DCHS2: variants seen among roughly 807,000 people sequenced by gnomAD.
DCHS2 encodes dachsous cadherin-related 2.
Under a neutral mutation model 182.4 loss-of-function variants are expected in DCHS2, and 142 were observed. The observed-to-expected ratio is 0.78, with a 90% confidence interval of 0.68 to 0.89. DCHS2 has a LOEUF of 0.89. Ranked by LOEUF, DCHS2 falls within the 40% of genes least tolerant of loss-of-function variation. DCHS2 has a pLI of 0.00. For synonymous variants in DCHS2, 1,740 were observed against 1,663.3 expected, an observed-to-expected ratio of 1.05 and a Z score of -1.12; for missense variants, 4,319 against 4,198.6, an observed-to-expected ratio of 1.03 and a Z score of -0.79.
rs753132280 is a variant in DCHS2, at chr4:154,237,056, AAG to A, written c.7594_7595del (p.Leu2532TyrfsTer16). ...SDGGNPDLRA[L>X]TLVEIGIEDM... ...CTTCTATTCCTATCTCCACTAAAGTAAGAGCTCTCAGGTCAGGATTTCCACCA... is the reference window on the plus strand; with the variant it reads ...CTTCTATTCCTATCTCCACTAAAGTAAGCTCTCAGGTCAGGATTTCCACCA... On this transcript the variant is annotated frameshift_variant, in exon 20 of 20. Transcript: ENST00000357232. LOFTEE classifies it low-confidence loss of function (END_TRUNC). The A allele has an allele frequency of 3.1e-6, 5 of 1,613,856 alleles. No homozygotes were observed. Among genetic ancestry groups the A allele is most frequent in the Non-Finnish European group, 4.2e-6 (5 of 1,179,898 alleles).
intron 1 of DCHS2, among the ~76,000 whole-genome samples, chr4:154,381,038 G>A (rs759321820): frequency 2.0e-5 from 3 of 152,052 alleles, no homozygotes; most frequent in Non-Finnish European, 4.4e-5. Flanking sequence ...TTAAATTGAA[G>A]CAAGAGGCAC....
chr4:154,461,000 T>C (rs1417900639), intron 1 of DCHS2, among the ~76,000 whole-genome samples: 1 of 152,072 alleles, frequency 6.6e-6, no homozygotes, highest in African/African-American at 2.4e-5. Context: ...AAAGCTCAAA[T>C]GTGTTTAAAA....
chr4:154,249,303 C>T (rs1732233796), intron 16 of DCHS2, among the ~76,000 whole-genome samples: 1 of 152,044 alleles, frequency 6.6e-6, no homozygotes, highest in South Asian at 2.1e-4. Flanking sequence ...CAAAGAAAGA[C>T]ACAGAAGCAG....
intron 14 of DCHS2, among the ~76,000 whole-genome samples, chr4:154,260,113 C>T (rs1279775790): frequency 6.6e-6 from 1 of 152,224 alleles, no homozygotes; most frequent in African/African-American, 2.4e-5. Flanking sequence ...TGAGCCACAG[C>T]ACCTGGCCAT....
At chr4:154,269,212 C>T (rs1001920156) in intron 14 of DCHS2, 3 of 152,126 alleles carry the variant, frequency 2.0e-5, no homozygotes, top group Admixed American at 6.6e-5. Flanking sequence ...AGGAATTACC[C>T]GCTCTCAATT....
intron 12 of DCHS2, 171 bp from the exon 13 acceptor site, chr4:154,298,879 G>A: frequency 1.0e-6 from 1 of 967,968 alleles, no homozygotes; most frequent in Non-Finnish European, 1.4e-6. Context: ...CATGATAAAG[G>A]CTCTGCCCTC....
Position 154,372,925 on chromosome 4 carries a change from C to A in DCHS2, c.2244+4328G>T, listed in dbSNP as rs141193140. Among the ~76,000 whole-genome samples the A allele has an allele frequency of 5.3e-5, 8 of 152,256 alleles. No individual in the cohort carries two copies. The East Asian group carries it at 1.4e-3, about 26-fold the overall frequency. ...ATCAATGTATTTTACAAGAAAAATTCTTCTACTGGCAGATAAAAATCTCTT... is the reference window on the plus strand; with the variant it reads ...ATCAATGTATTTTACAAGAAAAATTATTCTACTGGCAGATAAAAATCTCTT... On this transcript the variant is annotated intron_variant, in intron 2 of 19. Coordinates refer to ENST00000357232, the MANE Select transcript of DCHS2 (RefSeq NM_001358235.2).
chr4:154,234,419 A>C lies in DCHS2; in HGVS notation c.*117T>G. 7.3e-7 allele frequency: 1 copy of C among 1,370,400 alleles called. No individual in the cohort carries two copies. The highest frequency in any genetic ancestry group is 1.6e-5 in the South Asian group (1 of 60,650). The allele number at this position is 1,370,400 out of a possible 1,614,324, so 84.9% of individuals were successfully genotyped here. ...TGGGGAAGTTTTAAAAACTCTAACTAAATTACATCACTTGCTTTTAGATAA... is the reference window on the plus strand; with the variant it reads ...TGGGGAAGTTTTAAAAACTCTAACTCAATTACATCACTTGCTTTTAGATAA... On this transcript the variant is annotated 3_prime_UTR_variant, in exon 20 of 20. Transcript: ENST00000357232.
At chr4:154,243,484 C>T (rs1171627629) in intron 16 of DCHS2, among the ~76,000 whole-genome samples, 15 of 152,300 alleles carry the variant, frequency 9.8e-5, no homozygotes. Flanking sequence ...CAATGTTCAA[C>T]TAATTATGTA....
intron 7 of DCHS2, 52 bp from the exon 8 acceptor site, chr4:154,322,540 C>T (rs1237496593): frequency 2.6e-6 from 4 of 1,532,472 alleles, no homozygotes; most frequent in Non-Finnish European, 3.5e-6. Context: ...ATGCAGAAAA[C>T]AGAAAATCAA....
At position 154,490,543 on chromosome 4, in the gene DCHS2, G is replaced by A. The variant is rs945087126; in HGVS notation, c.813C>T (p.Gly271=). 12 of 1,539,368 alleles carry A rather than the reference G, an allele frequency of 7.8e-6. No homozygotes were observed. The highest frequency in any genetic ancestry group is 2.7e-5 in the African/African-American group (2 of 72,974). The part of the protein sequence containing the change: ...AHRLQIEAWD[G]GRPRRTGLLS... ...GGAGGCCGGTGCGCCGGGGTCGGCC[G>A]CCGTCCCATGCCTCGATCTGCAGCC... Residue 271 remains glycine, a synonymous_variant, in exon 1 of 20, where the codon GGC becomes GGT. Transcript: ENST00000357232.
intron 1 of DCHS2, among the ~76,000 whole-genome samples, chr4:154,450,942 A>G (rs1033221569): frequency 6.6e-6 from 1 of 152,196 alleles, no homozygotes; most frequent in Non-Finnish European, 1.5e-5. Flanking sequence ...AATTTGTTGC[A>G]TCTGGTCCCT....
chr4:154,231,959 A>G lies in DCHS2; in HGVS notation c.*2577T>C, dbSNP rs1731222782. ...TACTACTAGGACATGGAATTTTGAT[A>G]TCCATTTGGTACTGATTTACACCAG... On this transcript the variant is annotated 3_prime_UTR_variant, in exon 20 of 20. Transcript: ENST00000357232. 1 of 152,128 alleles carries G rather than the reference A, an allele frequency of 6.6e-6. No individual in the cohort carries two copies. The highest frequency in any genetic ancestry group is 2.4e-5 in the African/African-American group (1 of 41,426). 9.4% of individuals were successfully genotyped at this position (152,128 alleles called of 1,614,324 possible). A position where few individuals can be genotyped will look rare whatever the true frequency, so the allele number is the denominator to read the frequency against.
intron 16 of DCHS2, among the ~76,000 whole-genome samples, chr4:154,244,953 G>T (rs1217828676): frequency 6.6e-6 from 1 of 152,014 alleles, no homozygotes; most frequent in Non-Finnish European, 1.5e-5. Context: ...AGACATCAAA[G>T]TTAAGTTTCT....
intron 3 of DCHS2, among the ~76,000 whole-genome samples, chr4:154,350,454 T>A (rs1029377332): frequency 2.0e-5 from 3 of 152,212 alleles, no homozygotes; most frequent in Admixed American, 6.5e-5. Context: ...ACATCTATGC[T>A]TTGCCAACTG....
intron 1 of DCHS2, among the ~76,000 whole-genome samples, chr4:154,387,510 T>G (rs1201296120): frequency 6.6e-6 from 1 of 152,098 alleles, no homozygotes; most frequent in Non-Finnish European, 1.5e-5. Flanking sequence ...AAATCAGGAT[T>G]GATATTAACC....
intron 3 of DCHS2, chr4:154,354,777 A>G (rs1233573287): frequency 6.6e-6 from 1 of 152,114 alleles, no homozygotes; most frequent in African/African-American, 2.4e-5. Flanking sequence ...CCTTCCCATC[A>G]TCCAGTAGTC....
intron 1 of DCHS2, among the ~76,000 whole-genome samples, chr4:154,463,204 G>T (rs1375029243): frequency 6.6e-6 from 1 of 151,270 alleles, no homozygotes; most frequent in African/African-American, 2.4e-5. Context: ...AATTTGGAGG[G>T]TTTTGTTTTT....
intron 1 of DCHS2, among the ~76,000 whole-genome samples, chr4:154,451,005 G>A (rs577307245): frequency 6.6e-6 from 1 of 152,274 alleles, no homozygotes; most frequent in Non-Finnish European, 1.5e-5. Flanking sequence ...GATTTTGGAG[G>A]CAACATATTT....
Sources: allele counts gnomAD v4.1 joint callset (sites outside exome capture counted in the v4.1 genomes callset), GRCh38; gene constraint gnomAD v4.1.1; transcripts MANE v1.5; gene names NCBI Gene and HGNC (gene_info 2026-07-23, HGNC 2026-07-21).